Variants in ZDHHC14 observed in about 807,000 individuals in gnomAD.
The protein encoded by ZDHHC14 is zDHHC palmitoyltransferase 14.
ZDHHC14 carries 16 observed loss-of-function variants against 47.7 expected under a neutral mutation model. That is an observed-to-expected ratio of 0.34 (90% CI 0.23 to 0.51). ZDHHC14 has a LOEUF of 0.51. Among genes scored for constraint, ZDHHC14 ranks in the 20% least tolerant of loss-of-function variants. ZDHHC14 has a pLI of 0.97. For missense variants in ZDHHC14, 515 were observed against 662.5 expected, an observed-to-expected ratio of 0.78 and a Z score of 2.44; for synonymous variants, 293 against 278.9, an observed-to-expected ratio of 1.05 and a Z score of -0.50.
intron 3 of ZDHHC14, among the ~76,000 whole-genome samples, chr6:157,626,138 C>T (rs1056730461): frequency 2.6e-5 from 4 of 152,066 alleles, no homozygotes; most frequent in African/African-American, 9.7e-5. Context: ...ATGGGGTGTA[C>T]CTGGTGTTAA....
rs914929167 is a variant in ZDHHC14 at position 157,427,084 on chromosome 6, G to A, written c.245+44818G>A. Among the ~76,000 whole-genome samples the A allele has an allele frequency of 7.2e-5, 11 of 152,104 alleles. No homozygotes were observed. The highest frequency in any genetic ancestry group is 2.7e-4 in the African/African-American group (11 of 41,388). On this transcript the variant is annotated intron_variant, in intron 1 of 8. Transcript: ENST00000359775. The surrounding 1 kb of genome is among the most constrained non-coding windows in gnomAD (Gnocchi z 4.4). ...CGAGCTGGGGTGGCAGGGGAGCAAG[G>A]GCCCCAGGGAGAAGAGAGGGAAGGA...
intron 1 of ZDHHC14, among the ~76,000 whole-genome samples, chr6:157,500,629 A>G (rs1780171932): frequency 6.6e-6 from 1 of 152,130 alleles, no homozygotes; most frequent in East Asian, 1.9e-4. Context: ...TGTGATTATC[A>G]GGGAAACAGC....
chr6:157,453,788 TTG>T (rs371025248), intron 1 of ZDHHC14, among the ~76,000 whole-genome samples: 21,974 of 148,032 alleles, frequency 0.15, 1,736 homozygotes, highest in East Asian at 0.34. Flanking sequence ...TTTTTGTGTT[TTG>T]TGTGTGTGTG....
intron 1 of ZDHHC14, among the ~76,000 whole-genome samples, chr6:157,489,960 C>T (rs112590672): frequency 0.1 from 15,229 of 152,002 alleles, 2,566 homozygotes; most frequent in African/African-American, 0.35. Flanking sequence ...GGACTGCTAC[C>T]GTAACTGGAG....
At chr6:157,667,130 T>C (rs567523376) in intron 8 of ZDHHC14, among the ~76,000 whole-genome samples, 10 of 152,372 alleles carry the variant, frequency 6.6e-5, no homozygotes, top group South Asian at 2.1e-4. Context: ...TTGATACATA[T>C]GAACTTTTAA....
chr6:157,592,809 A>C (rs1582989543), intron 2 of ZDHHC14, 179 bp from the exon 3 acceptor site: 1 of 1,417,840 alleles, frequency 7.1e-7, no homozygotes, highest in Non-Finnish European at 9.2e-7. Flanking sequence ...GCAACGAAGG[A>C]GGCCGGGGTC....
chr6:157,584,384 A>G (rs1783617055), intron 2 of ZDHHC14, among the ~76,000 whole-genome samples: 1 of 152,210 alleles, frequency 6.6e-6, no homozygotes, highest in Non-Finnish European at 1.5e-5. Context: ...CACTACCACT[A>G]CAGCTGCAAT....
At chr6:157,477,048 C>CA (rs1183173949) in intron 1 of ZDHHC14, among the ~76,000 whole-genome samples, 1 of 152,056 alleles carries the variant, frequency 6.6e-6, no homozygotes, top group African/African-American at 2.4e-5. Context: ...AAGTCCTAGC[C>CA]AAAATAACTA....
chr6:157,479,873 T>C (rs943612201), intron 1 of ZDHHC14, among the ~76,000 whole-genome samples: 1 of 152,234 alleles, frequency 6.6e-6, no homozygotes, highest in Non-Finnish European at 1.5e-5. Flanking sequence ...GTGGTTTCAA[T>C]GTGAATCTGA....
intron 1 of ZDHHC14, among the ~76,000 whole-genome samples, chr6:157,404,137 C>G (rs1396321811): frequency 2.0e-5 from 3 of 152,140 alleles, no homozygotes; most frequent in African/African-American, 7.2e-5. Flanking sequence ...AAGTGGCTTT[C>G]TATTTATTTA....
intron 2 of ZDHHC14, among the ~76,000 whole-genome samples, chr6:157,579,196 T>TG (rs1783422694): frequency 1.8e-5 from 2 of 113,008 alleles, no homozygotes; most frequent in East Asian, 2.3e-4. Flanking sequence ...CTGTGTTTTT[T>TG]TTTTTTTTTT....
At chr6:157,658,323 T>G (rs1778193858) in intron 8 of ZDHHC14, among the ~76,000 whole-genome samples, 2 of 152,192 alleles carry the variant, frequency 1.3e-5, no homozygotes, top group Admixed American at 1.3e-4. Context: ...GATTAATTTG[T>G]ACCTAAAGCC....
At chr6:157,634,326 G>A (rs1246287806) in intron 5 of ZDHHC14, among the ~76,000 whole-genome samples, 1 of 152,128 alleles carries the variant, frequency 6.6e-6, no homozygotes, top group East Asian at 1.9e-4. Flanking sequence ...TTCTATTAAT[G>A]ATTTGGGAAG....
intron 1 of ZDHHC14, among the ~76,000 whole-genome samples, chr6:157,445,583 G>C (rs1184242398): frequency 6.6e-6 from 1 of 152,218 alleles, no homozygotes; most frequent in Non-Finnish European, 1.5e-5. Flanking sequence ...CCTTGGGTTG[G>C]TGAGCGGAGA....
intron 1 of ZDHHC14, among the ~76,000 whole-genome samples, chr6:157,437,647 A>T (rs1017861705): frequency 1.3e-5 from 2 of 152,222 alleles, no homozygotes; most frequent in African/African-American, 4.8e-5. Flanking sequence ...TACTCGTAAA[A>T]CGACCTTTCC....
intron 1 of ZDHHC14, among the ~76,000 whole-genome samples, chr6:157,490,078 G>A (rs993114280): frequency 3.9e-5 from 6 of 152,074 alleles, no homozygotes; most frequent in African/African-American, 1.2e-4. Flanking sequence ...AGAGATCAAG[G>A]GTGACCCCCC....
At chr6:157,591,147 C>A (rs1395383262) in intron 2 of ZDHHC14, among the ~76,000 whole-genome samples, 3 of 152,130 alleles carry the variant, frequency 2.0e-5, no homozygotes, top group Non-Finnish European at 4.4e-5. Flanking sequence ...AAGAAACTTG[C>A]CTTGTCTTTG....
chr6:157,506,255 T>C (rs1171984772), intron 1 of ZDHHC14, among the ~76,000 whole-genome samples: 1 of 152,242 alleles, frequency 6.6e-6, no homozygotes, highest in African/African-American at 2.4e-5. Flanking sequence ...GAAGTCTCTG[T>C]CCAGCCAGCG....
At chr6:157,532,096 A>C (rs1781388135) in intron 1 of ZDHHC14, among the ~76,000 whole-genome samples, 1 of 152,182 alleles carries the variant, frequency 6.6e-6, no homozygotes, top group Admixed American at 6.5e-5. Flanking sequence ...GAGGAGGAGC[A>C]GGCACAGCAG....
Sources: allele counts gnomAD v4.1 joint callset (sites outside exome capture counted in the v4.1 genomes callset), GRCh38; gene constraint gnomAD v4.1.1; non-coding constraint Gnocchi (gnomAD v3.1); transcripts MANE v1.5; gene names NCBI Gene and HGNC (gene_info 2026-07-23, HGNC 2026-07-21).